ARHGAP15: variants seen among roughly 807,000 people sequenced by gnomAD.
The protein encoded by ARHGAP15 is rho GTPase-activating protein 15.
A neutral mutation model predicts 63.7 loss-of-function variants in ARHGAP15; 51 were observed. The observed-to-expected ratio is 0.80, with a 90% CI of 0.64 to 1.01. The LOEUF (loss-of-function observed/expected upper bound fraction) is 1.01, where lower values mean the gene tolerates loss of function less well. ARHGAP15 is among the 50% of genes least tolerant of loss of function. The probability of loss-of-function intolerance (pLI) is 0.00; values close to 1 mark genes in which losing one functional copy is unlikely to be tolerated. For missense variants in ARHGAP15, 560 were observed against 564.6 expected (o/e 0.99, Z 0.08); for synonymous variants, 191 against 193.8 (o/e 0.99, Z 0.12).
At chr2:143,331,243 A>G (rs1302998611) in intron 6 of ARHGAP15, among the ~76,000 whole-genome samples, 1 of 152,146 alleles carries the variant, frequency 6.6e-6, no homozygotes, top group Non-Finnish European at 1.5e-5. Flanking sequence ...TCTTCTGGAC[A>G]TTATACACTG....
At chr2:143,190,754 G>C (rs1691655163) in intron 2 of ARHGAP15, among the ~76,000 whole-genome samples, 1 of 152,176 alleles carries the variant, frequency 6.6e-6, no homozygotes, top group Non-Finnish European at 1.5e-5. Flanking sequence ...TGGATATTCT[G>C]TAGCGAAAGG....
rs533530910 is a variant in ARHGAP15, at chr2:143,143,053, A to G, written c.-14-12424A>G. On this transcript the variant is annotated intron_variant, in intron 1 of 13. Transcript: ENST00000295095. ...TAAATTTAGACAGAAATTTGGCTAC[A>G]CTAATTCAAATTACAGTAGCACTCA... is the stretch of plus-strand genomic sequence containing the variant. 2.4e-3 allele frequency among the ~76,000 whole-genome samples: 372 copies of G among 152,244 alleles called. 3 individuals carry two copies. The highest frequency in any genetic ancestry group is 3.3e-3 in the Non-Finnish European group (227 of 67,998).
intron 6 of ARHGAP15, among the ~76,000 whole-genome samples, chr2:143,361,609 C>A (rs751610597): frequency 2.6e-5 from 4 of 151,998 alleles, no homozygotes; most frequent in Non-Finnish European, 4.4e-5. Flanking sequence ...TCAAACCTAC[C>A]CTCTGTCTTA....
chr2:143,706,182 A>G (rs952611221), intron 13 of ARHGAP15, among the ~76,000 whole-genome samples: 1 of 152,176 alleles, frequency 6.6e-6, no homozygotes, highest in Non-Finnish European at 1.5e-5. Context: ...TATCTTGTTA[A>G]GCATTTTTTT....
chr2:143,184,686 G>A (rs1407506304), intron 2 of ARHGAP15, among the ~76,000 whole-genome samples: 1 of 151,664 alleles, frequency 6.6e-6, no homozygotes, highest in Admixed American at 6.6e-5. Context: ...TTTTCTTGCT[G>A]TTGTTGTTGT....
chr2:143,143,637 A>G (rs1008283063), intron 1 of ARHGAP15, among the ~76,000 whole-genome samples: 1 of 151,372 alleles, frequency 6.6e-6, no homozygotes, highest in South Asian at 2.1e-4. Flanking sequence ...CCGCTGGAAC[A>G]AGAAATAGAA....
chr2:143,555,998 G>A (rs1162995289), intron 10 of ARHGAP15, among the ~76,000 whole-genome samples: 2 of 152,104 alleles, frequency 1.3e-5, no homozygotes, highest in South Asian at 2.1e-4. Context: ...AGACAGAAAG[G>A]CAGGAAGACA....
chr2:143,654,914 A>G, intron 12 of ARHGAP15, among the ~76,000 whole-genome samples: 1 of 152,188 alleles, frequency 6.6e-6, no homozygotes, highest in East Asian at 1.9e-4. Flanking sequence ...CCTAGGCAAC[A>G]AAGCAAGACC....
chr2:143,497,238 A>G (rs1266341065), intron 9 of ARHGAP15, among the ~76,000 whole-genome samples: 1 of 152,166 alleles, frequency 6.6e-6, no homozygotes, highest in Non-Finnish European at 1.5e-5. Flanking sequence ...ACCAAAGTTG[A>G]TGTGCTCTCG....
intron 2 of ARHGAP15, among the ~76,000 whole-genome samples, chr2:143,157,654 T>C (rs1690134266): frequency 6.6e-6 from 1 of 151,544 alleles, no homozygotes; most frequent in African/African-American, 2.4e-5. Flanking sequence ...AAAACTTGGC[T>C]CAGAGATACT....
At chr2:143,214,205 G>A (rs1408337406) in intron 3 of ARHGAP15, among the ~76,000 whole-genome samples, 1 of 152,150 alleles carries the variant, frequency 6.6e-6, no homozygotes, top group African/African-American at 2.4e-5. Flanking sequence ...TTTATGATGG[G>A]TTGATAGGTT....
At chr2:143,498,411 G>A (rs1692914496) in intron 9 of ARHGAP15, among the ~76,000 whole-genome samples, 2 of 152,120 alleles carry the variant, frequency 1.3e-5, no homozygotes, top group Admixed American at 1.3e-4. Context: ...TGGTCTGTCA[G>A]TATTAGTGAA....
chr2:143,182,519 G>A (rs769469907), intron 2 of ARHGAP15, among the ~76,000 whole-genome samples: 2 of 152,154 alleles, frequency 1.3e-5, no homozygotes, highest in Non-Finnish European at 2.9e-5. Flanking sequence ...TGGTGGGGAG[G>A]AAAAGAGGAG....
At chr2:143,340,853 T>A (rs1685026797) in intron 6 of ARHGAP15, among the ~76,000 whole-genome samples, 1 of 152,168 alleles carries the variant, frequency 6.6e-6, no homozygotes, top group East Asian at 1.9e-4. Flanking sequence ...TTTTCTGTTT[T>A]TCTGACCTTT....
At chr2:143,198,923 T>C (rs1691995571) in intron 2 of ARHGAP15, among the ~76,000 whole-genome samples, 2 of 152,162 alleles carry the variant, frequency 1.3e-5, no homozygotes, top group African/African-American at 4.8e-5. Context: ...TTTAAGGAAA[T>C]AGAACAGGAA....
chr2:143,297,264 T>C (rs1682676846), intron 6 of ARHGAP15, among the ~76,000 whole-genome samples: 1 of 151,940 alleles, frequency 6.6e-6, no homozygotes, highest in Non-Finnish European at 1.5e-5. Context: ...GTTACAAAAT[T>C]GGGAAGCAAT....
rs1695522539 is a variant in ARHGAP15, at chr2:143,550,742, C to T, written c.926-5666C>T. Among the ~76,000 whole-genome samples, 4 of 152,256 alleles carry T rather than the reference C, an allele frequency of 2.6e-5. No homozygotes were observed. In the South Asian group the frequency reaches 8.3e-4, roughly 32 times the overall value. On this transcript the variant is annotated intron_variant, in intron 10 of 13. Coordinates refer to ENST00000295095, the MANE Select transcript of ARHGAP15 (RefSeq NM_018460.4). ...TTAAGTCTTAACTTTTGGGAGCTCT[C>T]CTTTGTGAAACTAAATTTTAATGTT...
chr2:143,151,085 A>T (rs1689795593), intron 1 of ARHGAP15, among the ~76,000 whole-genome samples: 1 of 152,032 alleles, frequency 6.6e-6, no homozygotes, highest in South Asian at 2.1e-4. Flanking sequence ...AGACTCACAA[A>T]ACTGGAGTTC....
chr2:143,286,967 T>C (rs1302130608), intron 6 of ARHGAP15, among the ~76,000 whole-genome samples: 1 of 152,160 alleles, frequency 6.6e-6, no homozygotes, highest in Non-Finnish European at 1.5e-5. Flanking sequence ...CAAAACATTG[T>C]TATGTGGCAC....
Sources: allele counts gnomAD v4.1 joint callset (sites outside exome capture counted in the v4.1 genomes callset), GRCh38; gene constraint gnomAD v4.1.1; transcripts MANE v1.5; gene names NCBI Gene and HGNC (gene_info 2026-07-23, HGNC 2026-07-21).